TXNRD2: variants seen among roughly 807,000 people sequenced by gnomAD.
The protein encoded by TXNRD2 is thioredoxin reductase 2, mitochondrial.
In TXNRD2, 67 loss-of-function variants were observed where a neutral mutation model predicts 70.8. That is an observed-to-expected ratio of 0.95 (90% CI 0.78 to 1.16). TXNRD2 has a LOEUF of 1.16. Ranked by LOEUF, TXNRD2 falls within the 50% of genes most tolerant of loss-of-function variation. The pLI, the probability that TXNRD2 is intolerant of heterozygous loss-of-function variation, is 0.00. For missense variants in TXNRD2, 644 were observed against 719.9 expected (o/e 0.89, Z 1.21); for synonymous variants, 301 against 295.8 (o/e 1.02, Z -0.18).
intron 10 of TXNRD2, among the ~76,000 whole-genome samples, chr22:19,897,584 G>A (rs566175384): frequency 6.6e-4 from 100 of 152,210 alleles, no homozygotes; most frequent in Non-Finnish European, 1.1e-3. Context: ...GGGCTGTCTC[G>A]GAGCCAGCGC....
intron 8 of TXNRD2, among the ~76,000 whole-genome samples, chr22:19,908,401 C>G (rs1940170319): frequency 6.6e-6 from 1 of 152,122 alleles, no homozygotes; most frequent in South Asian, 2.1e-4. Flanking sequence ...GACCACCTCA[C>G]AGCCACTAGG....
intron 2 of TXNRD2, among the ~76,000 whole-genome samples, chr22:19,925,164 G>T (rs190801791): frequency 6.6e-6 from 1 of 151,698 alleles, no homozygotes; most frequent in South Asian, 2.1e-4. Context: ...TGCGCCTGTA[G>T]TCCCAGCTAC....
intron 10 of TXNRD2, among the ~76,000 whole-genome samples, chr22:19,895,893 A>C (rs960550607): frequency 6.6e-6 from 1 of 152,214 alleles, no homozygotes; most frequent in Non-Finnish European, 1.5e-5. Context: ...ACCTTTTGGG[A>C]GGCTGAAGTG....
At position 19,918,897 on chromosome 22, in the gene TXNRD2, A is replaced by G. The variant is rs869025560; in HGVS notation, c.337T>C (p.Tyr113His). 1 of 1,612,400 alleles carries G rather than the reference A, an allele frequency of 6.2e-7. No individual in the cohort carries two copies. Among genetic ancestry groups the G allele is most frequent in the Non-Finnish European group, 8.5e-7 (1 of 1,179,954 alleles). Residue 113 changes from tyrosine to histidine, a missense_variant, in exon 4 of 18, where the codon TAT becomes CAT. Tyr to His is a moderately conservative substitution (Grantham distance 83). Around this residue, in one of 3 missense-constraint regions of TXNRD2, gnomAD observed 566 missense variants for 645.0 expected, o/e 0.88. Transcript: ENST00000400521. ...ACGGGCTGGGCCACCTCCCAGCCAT[A>G]GTTGGGGGCATCTTGGATCAGGCCT... Reference protein sequence around the residue: ...LGGLIQDAPNYGWEVAQPVPH... With the variant: ...LGGLIQDAPNHGWEVAQPVPH...
At chr22:19,941,618 T>G in intron 1 of TXNRD2, 83 bp downstream of exon 1, 1 of 1,360,920 alleles carries the variant, frequency 7.3e-7, no homozygotes, top group Non-Finnish European at 9.4e-7. Flanking sequence ...GGGGACACCC[T>G]GGCCACCGCC....
intron 8 of TXNRD2, among the ~76,000 whole-genome samples, chr22:19,907,176 G>A (rs1432361967): frequency 5.7e-5 from 5 of 87,972 alleles, no homozygotes; most frequent in Non-Finnish European, 2.3e-5. Context: ...GAGTGTGGGC[G>A]CACCATGAGT....
chr22:19,894,310 A>T (rs1170301097), intron 11 of TXNRD2: 1 of 152,252 alleles, frequency 6.6e-6, no homozygotes, highest in Non-Finnish European at 1.5e-5. Flanking sequence ...ATAATGGAAA[A>T]GTTCTAGAGA....
chr22:19,927,472 A>G (rs906057029), intron 2 of TXNRD2, among the ~76,000 whole-genome samples: 1 of 151,274 alleles, frequency 6.6e-6, no homozygotes, highest in African/African-American at 2.4e-5. Context: ...TGGGCAACAT[A>G]GCGAAACCCA....
chr22:19,907,628 G>A lies in TXNRD2; in HGVS notation c.662+3749C>T, dbSNP rs1238248253. Among the ~76,000 whole-genome samples, 5 of 44,670 alleles carry A rather than the reference G, an allele frequency of 1.1e-4. 1 individual carries two copies. Among genetic ancestry groups the A allele is most frequent in the East Asian group, 5.4e-4 (1 of 1,836 alleles). The allele number at this position is 44,670 out of a possible 152,430, so 29.3% of individuals were successfully genotyped here. On this transcript the variant is annotated intron_variant, in intron 8 of 17. Transcript: ENST00000400521. The stretch of plus-strand genomic sequence containing the variant: ...GTGGGCGCCGTGGATAGCAGTGACC[G>A]CTCTCAGGAGAGTGTGGGCGCACCA...
At chr22:19,912,785 G>A (rs996125790) in intron 7 of TXNRD2, among the ~76,000 whole-genome samples, 7 of 152,224 alleles carry the variant, frequency 4.6e-5, no homozygotes, top group African/African-American at 1.7e-4. Flanking sequence ...CAAGTCCCAC[G>A]GCCTCTAAGG....
intron 1 of TXNRD2, among the ~76,000 whole-genome samples, chr22:19,936,319 A>C (rs1276623077): frequency 6.7e-6 from 1 of 148,678 alleles, no homozygotes; most frequent in Admixed American, 6.7e-5. Flanking sequence ...CCCTTTGCCT[A>C]CTCCTCCCCC....
At position 19,941,777 on chromosome 22, in the gene TXNRD2, C is replaced by T; in HGVS notation, c.27G>A (p.Arg9=). The change falls in exon 1 of 18, where the codon CGG becomes CGA. Residue 9 remains arginine, a synonymous_variant. Coordinates refer to ENST00000400521, the MANE Select transcript of TXNRD2 (RefSeq NM_006440.5). ...GCCACCGGAAGCGCCCTCCTAATCC[C>T]CGCAGCGCCACCGCCATTGCCGCCA... MAAMAVAL[R]GLGGRFRWRT... The T allele has an allele frequency of 6.5e-7, 1 of 1,527,872 alleles. No individual in the cohort carries two copies. The highest frequency in any genetic ancestry group is 8.7e-7 in the Non-Finnish European group (1 of 1,147,518). 94.6% of individuals were successfully genotyped at this position (1,527,872 alleles called of 1,614,324 possible). A position where few individuals can be genotyped will look rare whatever the true frequency, so the allele number is the denominator to read the frequency against.
At chr22:19,920,057 C>T (rs189182581) in intron 2 of TXNRD2, among the ~76,000 whole-genome samples, 461 of 152,324 alleles carry the variant, frequency 3.0e-3, no homozygotes, top group Non-Finnish European at 4.4e-3. Flanking sequence ...TCCCTTGCCC[C>T]TTCCCATCCC....
chr22:19,932,541 G>A, intron 1 of TXNRD2: 6 of 1,513,504 alleles, frequency 4.0e-6, no homozygotes, highest in Non-Finnish European at 5.3e-6. Flanking sequence ...ACTGAACTGG[G>A]CCTGAGGTCC....
At chr22:19,925,188 G>A (rs1012546265) in intron 2 of TXNRD2, among the ~76,000 whole-genome samples, 1 of 151,876 alleles carries the variant, frequency 6.6e-6, no homozygotes, top group African/African-American at 2.4e-5. Context: ...GGAGGCTGAG[G>A]CAGGAGAATG....
chr22:19,931,972 A>G (rs1033186133), intron 1 of TXNRD2, among the ~76,000 whole-genome samples: 1 of 151,876 alleles, frequency 6.6e-6, no homozygotes, highest in Non-Finnish European at 1.5e-5. Context: ...CATCCTGGCT[A>G]ACACAGTGAA....
intron 8 of TXNRD2, among the ~76,000 whole-genome samples, chr22:19,906,220 G>A (rs564015070): frequency 1.3e-5 from 2 of 152,216 alleles, no homozygotes; most frequent in Admixed American, 1.3e-4. Context: ...TCACAGACAC[G>A]CTCATCTCAA....
At chr22:19,899,095 A>G (rs1437261251) in intron 8 of TXNRD2, 27 bp from the exon 9 acceptor site, 3 of 1,606,896 alleles carry the variant, frequency 1.9e-6, no homozygotes, top group Non-Finnish European at 2.5e-6. Context: ...GAGAGAGCAC[A>G]TGTAAAGCTG....
intron 12 of TXNRD2, among the ~76,000 whole-genome samples, chr22:19,881,814 G>C (rs932017258): frequency 6.6e-6 from 1 of 152,174 alleles, no homozygotes; most frequent in African/African-American, 2.4e-5. Flanking sequence ...AGAAATCACT[G>C]AGCAGCTGAA....
Sources: gnomAD v4.1 joint callset for allele counts (sites outside exome capture counted in the v4.1 genomes callset) on GRCh38, gnomAD v4.1.1 for gene constraint, gnomAD v4.1.1 regional missense constraint, MANE v1.5 for transcripts, NCBI Gene and HGNC (gene_info 2026-07-23, HGNC 2026-07-21) for gene names.